Variants in TMEM132C observed in about 807,000 individuals in gnomAD.
The protein encoded by TMEM132C is protein phosphatase 1, regulatory subunit 152.
A neutral mutation model predicts 61.4 loss-of-function variants in TMEM132C; 29 were observed. The ratio of observed to expected loss-of-function variants is 0.47; its 90% CI spans 0.35 to 0.64. The LOEUF is 0.64. TMEM132C is among the 30% of genes least tolerant of loss of function. The pLI, the probability that TMEM132C is intolerant of heterozygous loss-of-function variation, is 0.00. For missense variants in TMEM132C, 1,408 were observed against 1,476.9 expected (o/e 0.95, Z 0.76); for synonymous variants, 656 against 633.1 (o/e 1.04, Z -0.54).
At chr12:128,287,484 CATATCTATATCT>C (rs5801788) in intron 1 of TMEM132C, among the ~76,000 whole-genome samples, 36,595 of 149,912 alleles carry the variant, frequency 0.24, 5,291 homozygotes, top group Admixed American at 0.34. Flanking sequence ...CCTCTGTCTG[CATATCTATATCT>C]ATATCTATAT....
chr12:128,596,444 TA>T (rs1183008616), intron 3 of TMEM132C, among the ~76,000 whole-genome samples: 1 of 148,392 alleles, frequency 6.7e-6, no homozygotes, highest in Non-Finnish European at 1.5e-5. Context: ...CAGGTCTTGG[TA>T]CAGAGGTGGC....
intron 2 of TMEM132C, among the ~76,000 whole-genome samples, chr12:128,438,313 G>T (rs986317536): frequency 1.3e-5 from 2 of 152,100 alleles, no homozygotes; most frequent in Non-Finnish European, 2.9e-5. Context: ...ATGAGTGCTT[G>T]CTCTGTTAGT....
At chr12:128,413,973 A>G (rs1252285999) in intron 1 of TMEM132C, among the ~76,000 whole-genome samples, 5 of 152,214 alleles carry the variant, frequency 3.3e-5, no homozygotes. Context: ...TGCTTGAAAG[A>G]TGTAACTTCT....
intron 1 of TMEM132C, among the ~76,000 whole-genome samples, chr12:128,342,886 C>T (rs560914470): frequency 2.2e-4 from 33 of 152,318 alleles, no homozygotes; most frequent in African/African-American, 5.1e-4. Flanking sequence ...GCTGCCTGTG[C>T]GGTGCATTTG....
intron 4 of TMEM132C, among the ~76,000 whole-genome samples, chr12:128,635,150 T>C (rs375169087): frequency 7.9e-5 from 12 of 152,316 alleles, no homozygotes; most frequent in African/African-American, 2.6e-4. Flanking sequence ...CCTGACATTA[T>C]CTCCAATACA....
intron 1 of TMEM132C, 52 bp downstream of exon 1, chr12:128,267,539 C>T (rs2135884054): frequency 8.2e-7 from 1 of 1,213,060 alleles, no homozygotes; most frequent in Non-Finnish European, 1.0e-6. Context: ...CTTCCCGGTT[C>T]CGGGGGAGCT....
rs143989813 is a variant in TMEM132C at position 128,348,039 on chromosome 12, A to G, written c.86-66693A>G. Among the ~76,000 whole-genome samples the G allele has an allele frequency of 3.1e-4, 47 of 152,338 alleles. No homozygotes were observed. The East Asian group carries it at 7.9e-3, about 26-fold the overall frequency. On this transcript the variant is annotated intron_variant, in intron 1 of 8. Coordinates refer to ENST00000435159, the MANE Select transcript of TMEM132C (RefSeq NM_001136103.3). ...TGTAATCAATTTGGGGAGTGTTGCC[A>G]TCTTAACAATATGCATCTTCCAGTC...
At chr12:128,576,806 T>C (rs934522823) in intron 3 of TMEM132C, among the ~76,000 whole-genome samples, 4 of 152,360 alleles carry the variant, frequency 2.6e-5, no homozygotes, top group African/African-American at 7.2e-5. Flanking sequence ...TTGTTGACGA[T>C]GATGATGATG....
intron 3 of TMEM132C, among the ~76,000 whole-genome samples, chr12:128,551,550 G>T (rs1202939753): frequency 6.6e-6 from 1 of 152,150 alleles, no homozygotes; most frequent in East Asian, 1.9e-4. Context: ...AGGGTGCGAG[G>T]CCAACAGAGC....
chr12:128,520,385 G>GA (rs2136126911), intron 2 of TMEM132C, among the ~76,000 whole-genome samples: 1 of 152,362 alleles, frequency 6.6e-6, no homozygotes, highest in South Asian at 2.1e-4. Flanking sequence ...TTGAATGGAT[G>GA]TGAGCAAAAG....
intron 4 of TMEM132C, among the ~76,000 whole-genome samples, chr12:128,637,253 T>G (rs899184415): frequency 6.6e-6 from 1 of 152,216 alleles, no homozygotes; most frequent in Non-Finnish European, 1.5e-5. Context: ...ACAGGAACAG[T>G]ACCTAACATT....
chr12:128,434,300 A>C (rs887370937), intron 2 of TMEM132C, among the ~76,000 whole-genome samples: 4 of 152,116 alleles, frequency 2.6e-5, no homozygotes, highest in African/African-American at 9.7e-5. Flanking sequence ...AACCCAGATA[A>C]TTTTATTTTT....
chr12:128,447,541 C>A (rs954024443), intron 2 of TMEM132C, among the ~76,000 whole-genome samples: 1 of 151,958 alleles, frequency 6.6e-6, no homozygotes, highest in Non-Finnish European at 1.5e-5. Flanking sequence ...AAATAGAAAC[C>A]CTTATGCATA....
intron 2 of TMEM132C, among the ~76,000 whole-genome samples, chr12:128,490,859 G>A (rs10847629): frequency 0.42 from 63,918 of 152,068 alleles, 13,756 homozygotes; most frequent in East Asian, 0.58. Context: ...TGATTCATTA[G>A]TAGCACTCTC....
intron 4 of TMEM132C, among the ~76,000 whole-genome samples, chr12:128,634,353 G>A (rs939994878): frequency 6.6e-6 from 1 of 152,246 alleles, no homozygotes; most frequent in Non-Finnish European, 1.5e-5. Flanking sequence ...GGGATTACAG[G>A]CATGAGCCGC....
chr12:128,662,718 C>T (rs1387423618), intron 4 of TMEM132C, among the ~76,000 whole-genome samples: 1 of 152,184 alleles, frequency 6.6e-6, no homozygotes, highest in East Asian at 1.9e-4. Flanking sequence ...TAGCACATGC[C>T]AAGAGCTCCT....
At chr12:128,430,684 T>G (rs1869353859) in intron 2 of TMEM132C, among the ~76,000 whole-genome samples, 1 of 152,228 alleles carries the variant, frequency 6.6e-6, no homozygotes, top group South Asian at 2.1e-4. Flanking sequence ...CGTGTCACAT[T>G]TTGACAATTC....
At chr12:128,519,530 G>A (rs1872830628) in intron 2 of TMEM132C, among the ~76,000 whole-genome samples, 1 of 152,112 alleles carries the variant, frequency 6.6e-6, no homozygotes, top group South Asian at 2.1e-4. Flanking sequence ...AGGAAAAAAT[G>A]GCCCTTCCTT....
At chr12:128,317,086 C>T (rs1044674139) in intron 1 of TMEM132C, among the ~76,000 whole-genome samples, 3 of 152,130 alleles carry the variant, frequency 2.0e-5, no homozygotes, top group African/African-American at 7.2e-5. Flanking sequence ...GTGTTTAATT[C>T]CCATGTGGGA....
Sources: allele counts gnomAD v4.1 joint callset (sites outside exome capture counted in the v4.1 genomes callset), GRCh38; gene constraint gnomAD v4.1.1; transcripts MANE v1.5; gene names NCBI Gene and HGNC (gene_info 2026-07-23, HGNC 2026-07-21).